MEGF11: variants seen among roughly 807,000 people sequenced by gnomAD.
MEGF11 encodes multiple epidermal growth factor-like domains protein 11.
Under a neutral mutation model 146.6 loss-of-function variants are expected in MEGF11, and 126 were observed. That is an observed-to-expected ratio of 0.86 (90% CI 0.74 to 1.00). MEGF11 has a LOEUF of 1.00. Among genes scored for constraint, MEGF11 ranks in the 50% least tolerant of loss-of-function variants. The probability of loss-of-function intolerance (pLI) is 0.00; values close to 1 mark genes in which losing one functional copy is unlikely to be tolerated. For synonymous variants in MEGF11, 532 were observed against 583.4 expected (o/e 0.91, Z 1.27); for missense variants, 1,509 against 1,521.2 (o/e 0.99, Z 0.13).
At chr15:66,128,191 A>C (rs917144015) in intron 2 of MEGF11, 115 bp downstream of exon 2, 5 of 573,096 alleles carry the variant, frequency 8.7e-6, no homozygotes, top group Non-Finnish European at 1.4e-5. Context: ...CTCCCCAGCC[A>C]GGCTGCAGAC....
At chr15:65,998,451 T>C (rs992715328) in intron 5 of MEGF11, among the ~76,000 whole-genome samples, 35 of 152,042 alleles carry the variant, frequency 2.3e-4, no homozygotes, top group African/African-American at 8.5e-4. Context: ...ATTCAGAAAA[T>C]GTGCTGACAG....
intron 20 of MEGF11, chr15:65,912,467 G>T: frequency 3.6e-6 from 1 of 279,270 alleles, no homozygotes; most frequent in Non-Finnish European, 6.6e-6. Flanking sequence ...ATCAACTGGA[G>T]CCTGGATGGG....
chr15:66,055,808 A>G (rs2084650774), intron 5 of MEGF11, among the ~76,000 whole-genome samples: 1 of 152,180 alleles, frequency 6.6e-6, no homozygotes, highest in African/African-American at 2.4e-5. Context: ...CAACCTCAAC[A>G]TGATTCGGGA....
At chr15:66,182,953 T>C (rs956522774) in intron 1 of MEGF11, among the ~76,000 whole-genome samples, 3 of 152,084 alleles carry the variant, frequency 2.0e-5, no homozygotes, top group African/African-American at 7.2e-5. Flanking sequence ...AAACACACTA[T>C]GGAGAACTCA....
At chr15:66,085,601 G>A (rs2086074451) in intron 5 of MEGF11, among the ~76,000 whole-genome samples, 1 of 152,192 alleles carries the variant, frequency 6.6e-6, no homozygotes. Context: ...TGGCTTACAG[G>A]AAGCCACATC....
chr15:65,911,622 A>G (rs2078809786), intron 21 of MEGF11, among the ~76,000 whole-genome samples: 2 of 152,204 alleles, frequency 1.3e-5, no homozygotes, highest in African/African-American at 4.8e-5. Flanking sequence ...CATCTTGGCC[A>G]GGATGGTCTC....
chr15:66,237,575 G>A (rs573535029), intron 1 of MEGF11, among the ~76,000 whole-genome samples: 1 of 152,228 alleles, frequency 6.6e-6, no homozygotes, highest in Non-Finnish European at 1.5e-5. Flanking sequence ...GGCAAGTGGG[G>A]CTGCCTCTCT....
intron 24 of MEGF11, 100 bp from the exon 25 acceptor site, chr15:65,899,034 T>C: frequency 8.4e-7 from 1 of 1,187,698 alleles, no homozygotes; most frequent in Non-Finnish European, 1.2e-6. Flanking sequence ...TTCAGGATCT[T>C]AGAGCTGGAA....
intron 5 of MEGF11, among the ~76,000 whole-genome samples, chr15:66,001,099 T>A (rs1435879650): frequency 6.6e-6 from 1 of 152,122 alleles, no homozygotes; most frequent in Non-Finnish European, 1.5e-5. Context: ...GGGACAGAAA[T>A]TTGGCCTCAG....
intron 1 of MEGF11, among the ~76,000 whole-genome samples, chr15:66,165,942 C>T (rs1335938823): frequency 6.6e-6 from 1 of 152,174 alleles, no homozygotes; most frequent in Non-Finnish European, 1.5e-5. Flanking sequence ...CCCTGCCAGG[C>T]AGGGTGGCTG....
In MEGF11 at chr15:65,897,745, C is replaced by T; in HGVS notation, c.*189G>A. 2.0e-6 allele frequency: 1 copy of T among 495,596 alleles called. No individual in the cohort carries two copies. The highest frequency in any genetic ancestry group is 3.4e-6 in the Non-Finnish European group (1 of 292,692). 30.7% of individuals were successfully genotyped at this position (495,596 alleles called of 1,614,324 possible). A position where few individuals can be genotyped will look rare whatever the true frequency, so the allele number is the denominator to read the frequency against. On this transcript the variant is annotated 3_prime_UTR_variant, in exon 26 of 26. Coordinates refer to ENST00000395614, the MANE Select transcript of MEGF11 (RefSeq NM_001385028.1). ...GGGGCTGAGTGGGTGATAGGATTTG[C>T]CTTTGAGAACACAATTCCTTGAACA... is the stretch of plus-strand genomic sequence containing the variant.
intron 5 of MEGF11, among the ~76,000 whole-genome samples, chr15:66,046,571 G>A (rs2084213042): frequency 6.6e-6 from 1 of 152,222 alleles, no homozygotes; most frequent in Non-Finnish European, 1.5e-5. Flanking sequence ...GAGGGCCTCA[G>A]CTCTTGGCTA....
intron 1 of MEGF11, among the ~76,000 whole-genome samples, chr15:66,203,130 G>A (rs1190680878): frequency 6.6e-6 from 1 of 152,008 alleles, no homozygotes; most frequent in Non-Finnish European, 1.5e-5. Context: ...CCCTGCCCCT[G>A]TGCCCACCCC....
chr15:66,090,131 A>C (rs2086264109), intron 5 of MEGF11, among the ~76,000 whole-genome samples: 1 of 152,230 alleles, frequency 6.6e-6, no homozygotes, highest in Non-Finnish European at 1.5e-5. Context: ...CTTATAAGTC[A>C]GTAAAAGAAT....
chr15:66,094,238 G>A (rs1302634905), intron 5 of MEGF11, among the ~76,000 whole-genome samples, 164 bp downstream of exon 5: 1 of 152,124 alleles, frequency 6.6e-6, no homozygotes, highest in African/African-American at 2.4e-5. Flanking sequence ...GTGCCACCAT[G>A]TTTTAACTGT....
At chr15:66,125,579 G>A (rs1241939235) in intron 2 of MEGF11, among the ~76,000 whole-genome samples, 1 of 152,220 alleles carries the variant, frequency 6.6e-6, no homozygotes, top group Non-Finnish European at 1.5e-5. Context: ...GTCTAACCAG[G>A]TTGTGTGGTT....
chr15:66,144,564 C>T (rs1038926075), intron 1 of MEGF11, among the ~76,000 whole-genome samples: 1 of 152,192 alleles, frequency 6.6e-6, no homozygotes, highest in African/African-American at 2.4e-5. Flanking sequence ...AAAAGGCCAG[C>T]TAGGCCCAGG....
chr15:66,019,138 G>A (rs539646908), intron 5 of MEGF11, among the ~76,000 whole-genome samples: 118 of 152,286 alleles, frequency 7.7e-4, no homozygotes, highest in Non-Finnish European at 1.4e-3. Flanking sequence ...AGGGTGCAGC[G>A]AGTGTGGATG....
intron 1 of MEGF11, among the ~76,000 whole-genome samples, chr15:66,202,547 C>T (rs952500754): frequency 6.6e-6 from 1 of 152,186 alleles, no homozygotes; most frequent in Non-Finnish European, 1.5e-5. Flanking sequence ...TAGGGGTGGC[C>T]CTGGCCCCAG....
Sources: allele counts gnomAD v4.1 joint callset (sites outside exome capture counted in the v4.1 genomes callset), GRCh38; gene constraint gnomAD v4.1.1; transcripts MANE v1.5; gene names NCBI Gene and HGNC (gene_info 2026-07-23, HGNC 2026-07-21).